The following SPATA24 variants were observed in gnomAD, a reference collection of about 807,000 sequenced individuals.
SPATA24 encodes spermatogenesis associated 24.
A neutral mutation model predicts 28.9 loss-of-function variants in SPATA24; 21 were observed. The ratio of observed to expected loss-of-function variants is 0.73; its 90% CI spans 0.52 to 1.05. SPATA24 has a LOEUF of 1.05. Ranked by LOEUF, SPATA24 falls within the 50% of genes least tolerant of loss-of-function variation. SPATA24 has a pLI of 0.00. For missense variants in SPATA24, 215 were observed against 242.9 expected (o/e 0.88, Z 0.76); for synonymous variants, 76 against 89.9 (o/e 0.85, Z 0.88).
At chr5:139,393,851 A>G (rs1561989406), downstream of SPATA24, 7 of 1,551,196 alleles carry the variant, frequency 4.5e-6, no homozygotes, top group Non-Finnish European at 6.1e-6. Context: ...TTCTGGGGCG[A>G]CGGGCAGCGA....
intron 4 of SPATA24, among the ~76,000 whole-genome samples, chr5:139,397,920 G>A (rs112572720): frequency 3.3e-5 from 5 of 152,128 alleles, no homozygotes; most frequent in South Asian, 4.1e-4. Flanking sequence ...TGTCTTCTCC[G>A]CTGCTGGGAT....
At chr5:139,393,799 G>A (rs992477832), downstream of SPATA24, 32 of 1,551,294 alleles carry the variant, frequency 2.1e-5, no homozygotes, top group Non-Finnish European at 2.7e-5. Context: ...AGGGAACAAT[G>A]GGCTACTCAC....
At chr5:139,395,503 G>A (rs566106882), downstream of SPATA24, 1 of 173,716 alleles carries the variant, frequency 5.8e-6, no homozygotes, top group South Asian at 2.0e-4. Flanking sequence ...AGACCTTCAG[G>A]CCAGGAGACT....
chr5:139,394,395 C>T (rs1359911460), downstream of SPATA24: 6 of 1,392,152 alleles, frequency 4.3e-6, no homozygotes, highest in East Asian at 1.8e-4. Context: ...GCAGGAGCAG[C>T]CGGGGGCGCG....
At chr5:139,392,517 C>G (rs1758615498), downstream of SPATA24, 9 of 1,342,848 alleles carry the variant, frequency 6.7e-6, no homozygotes, top group South Asian at 1.7e-4. This position sits in a 1 kb window ranked among gnomAD's most constrained non-coding sequence, Gnocchi z 5.8. Context: ...TGGGAGGCGC[C>G]GAGGCAGCGC....
At chr5:139,393,309 G>A, downstream of SPATA24, 2 of 1,550,700 alleles carry the variant, frequency 1.3e-6, no homozygotes, top group Non-Finnish European at 1.7e-6. Context: ...CAGGGTGGCT[G>A]CCGGGCGGCT....
At chr5:139,392,583 C>A, downstream of SPATA24, 1 of 1,363,618 alleles carries the variant, frequency 7.3e-7, no homozygotes, top group Non-Finnish European at 9.4e-7. The surrounding 1 kb of genome is among the most constrained non-coding windows in gnomAD (Gnocchi z 5.8). Context: ...GCGGGAGTGG[C>A]GCCTGGACGG....
chr5:139,396,973 T>G lies in SPATA24; in HGVS notation c.489-44A>C, dbSNP rs747688326. ...GTGGTGGGCTGTGGACAGCCAAGGG[T>G]AGGTAGGGGCCAGAGGTCTGGCTCC... On this transcript the variant is annotated intron_variant, in intron 5 of 5. Transcript: ENST00000450845. The G allele has an allele frequency of 9.0e-6, 14 of 1,551,300 alleles. No individual in the cohort carries two copies. In the Middle Eastern group the frequency reaches 1.3e-3, roughly 148 times the overall value.
downstream of SPATA24, chr5:139,395,000 A>G (rs1360341067): frequency 1.3e-6 from 2 of 1,490,992 alleles, no homozygotes; most frequent in Non-Finnish European, 8.9e-7. Context: ...GACGAACCGG[A>G]GGAGTCCTGG....
chr5:139,393,682 C>T (rs777770650), downstream of SPATA24: 31 of 1,550,948 alleles, frequency 2.0e-5, no homozygotes, highest in Admixed American at 9.8e-5. Context: ...GCTCCTTTCC[C>T]CAGCAACACA....
chr5:139,397,137 T>C lies in SPATA24; in HGVS notation c.392A>G (p.Glu131Gly), dbSNP rs772001572. 7 of 1,551,644 alleles carry C rather than the reference T, an allele frequency of 4.5e-6. No individual in the cohort carries two copies. The South Asian group carries it at 8.3e-5, about 18-fold the overall frequency. The stretch of plus-strand genomic sequence containing the variant: ...ATCTTCTTGCTTTATAATGTGAGAC[T>C]CAATCTCTGTGGGGGAGAGAGGCAG... ...DQLITKCNEI[E>G]SHIIKQEDIL... The change falls in exon 5 of 6, where the codon GAG becomes GGG. Residue 131 changes from glutamate to glycine, a missense_variant. Glu to Gly is a moderately conservative substitution (Grantham distance 98). Coordinates refer to ENST00000450845, the MANE Select transcript of SPATA24 (RefSeq NM_194296.2).
downstream of SPATA24, chr5:139,394,841 G>A (rs1176137586): frequency 6.5e-7 from 1 of 1,531,466 alleles, no homozygotes; most frequent in Non-Finnish European, 8.8e-7. Flanking sequence ...GGCCCGTGCC[G>A]CTGGCGGCTA....
downstream of SPATA24, chr5:139,394,487 G>A: frequency 7.0e-7 from 1 of 1,423,042 alleles, no homozygotes; most frequent in Non-Finnish European, 9.1e-7. Context: ...GGCCTGGCGG[G>A]CGCGGCGCCC....
At chr5:139,396,747 G>A, downstream of SPATA24, 1 of 1,551,340 alleles carries the variant, frequency 6.4e-7, no homozygotes, top group South Asian at 1.2e-5. Flanking sequence ...TCCCAGAGCA[G>A]AGAAGGCAGA....
chr5:139,403,940 A>T lies in SPATA24; in HGVS notation c.117+4T>A. The T allele has an allele frequency of 6.4e-7, 1 of 1,551,038 alleles. No homozygotes were observed. The highest frequency in any genetic ancestry group is 1.4e-5 in the African/African-American group (1 of 73,136). On this transcript the variant is annotated splice_donor_region_variant and intron_variant, in intron 1 of 5. Transcript: ENST00000450845. ...CCTCTCCCCAAACTCCTCTGGCTGC[A>T]TACCACGTTCCTCAGCTGGTGGATT...
rs1423676008 is a variant in SPATA24 at position 139,403,998 on chromosome 5, T to C, written c.63A>G (p.Gln21=). Residue 21 remains glutamine, a synonymous_variant, in exon 1 of 6, where the codon CAA becomes CAG. Coordinates refer to ENST00000450845, the MANE Select transcript of SPATA24 (RefSeq NM_194296.2). The stretch of plus-strand genomic sequence containing the variant: ...CCTGAGACTCAATCACGTCCCGCAG[T>C]TGATCTAAAGCGAGACACACAGATC... ...GSGSVCLALD[Q]LRDVIESQEE... 21 of 1,551,832 alleles carry C rather than the reference T, an allele frequency of 1.4e-5. No homozygotes were observed. The highest frequency in any genetic ancestry group is 1.7e-5 in the Non-Finnish European group (19 of 1,147,078).
downstream of SPATA24, chr5:139,393,057 G>C: frequency 6.5e-7 from 1 of 1,532,264 alleles, no homozygotes; most frequent in Non-Finnish European, 8.8e-7. Flanking sequence ...AGTGAGCCGG[G>C]GCGGGGGGCC....
chr5:139,394,839 C>T, downstream of SPATA24: 1 of 1,531,482 alleles, frequency 6.5e-7, no homozygotes, highest in Non-Finnish European at 8.8e-7. Flanking sequence ...CGGGCCCGTG[C>T]CGCTGGCGGC....
At chr5:139,403,549 A>C (rs923106019) in intron 1 of SPATA24, among the ~76,000 whole-genome samples, 3 of 152,220 alleles carry the variant, frequency 2.0e-5, no homozygotes, top group Admixed American at 2.0e-4. Flanking sequence ...ATCTGCGCTT[A>C]CTGCATTCAA....
Sources: gnomAD v4.1 joint callset for allele counts (sites outside exome capture counted in the v4.1 genomes callset) on GRCh38, gnomAD v4.1.1 for gene constraint, Gnocchi (gnomAD v3.1) non-coding constraint, MANE v1.5 for transcripts, NCBI Gene and HGNC (gene_info 2026-07-23, HGNC 2026-07-21) for gene names.